TPP2: variants seen among roughly 807,000 people sequenced by gnomAD.
The protein encoded by TPP2 is tripeptidyl peptidase 2.
TPP2 carries 34 observed loss-of-function variants against 155.9 expected under a neutral mutation model. The ratio of observed to expected loss-of-function variants is 0.22; its 90% confidence interval spans 0.17 to 0.29. The LOEUF (loss-of-function observed/expected upper bound fraction) is 0.29. Ranked by LOEUF, TPP2 falls within the 10% of genes least tolerant of loss-of-function variation. The pLI is 1.00. For missense variants in TPP2, 1,028 were observed against 1,522.3 expected, an observed-to-expected ratio of 0.68 and a Z score of 5.40; for synonymous variants, 510 against 529.4, an observed-to-expected ratio of 0.96 and a Z score of 0.50.
chr13:102,624,350 C>G (rs1595155211), intron 6 of TPP2, among the ~76,000 whole-genome samples: 1 of 152,134 alleles, frequency 6.6e-6, no homozygotes, highest in Non-Finnish European at 1.5e-5. Context: ...CCTCCCAGTT[C>G]ATTGAGGTAT....
chr13:102,666,966 T>G (rs1358859634), intron 27 of TPP2, among the ~76,000 whole-genome samples: 1 of 152,112 alleles, frequency 6.6e-6, no homozygotes, highest in East Asian at 1.9e-4. Flanking sequence ...GAATTTCTAT[T>G]TCTCTCCAGG....
chr13:102,665,226 C>G (rs1884512615), intron 27 of TPP2, among the ~76,000 whole-genome samples: 1 of 151,962 alleles, frequency 6.6e-6, no homozygotes, highest in Non-Finnish European at 1.5e-5. Flanking sequence ...GTGAATTGGA[C>G]CATATCAGGA....
At chr13:102,649,362 ACTTT>A in intron 22 of TPP2, 42 bp from the exon 23 acceptor site, 1 of 1,573,296 alleles carries the variant, frequency 6.4e-7, no homozygotes, top group Non-Finnish European at 8.6e-7. Flanking sequence ...TCTTTGTGAA[ACTTT>A]CTCTTTTGTT....
rs1223007119 is a variant in TPP2, at chr13:102,649,397, C to A, written c.2874-11C>A. 5.6e-6 allele frequency: 9 copies of A among 1,599,218 alleles called. No individual in the cohort carries two copies. Among genetic ancestry groups the A allele is most frequent in the Admixed American group, 1.8e-5 (1 of 55,818 alleles). On this transcript the variant is annotated splice_polypyrimidine_tract_variant and intron_variant, in intron 22 of 29. Transcript: ENST00000376052. Reference sequence around the variant, plus strand: ...TTGTTGCTTTTTTTCTCTTTGAATTCTCTTGTTTAGAATACCTAAAGGGGC... The same window carrying A: ...TTGTTGCTTTTTTTCTCTTTGAATTATCTTGTTTAGAATACCTAAAGGGGC...
rs1032568299 is a variant in TPP2, at chr13:102,678,551, G to T, written c.*235G>T. On this transcript the variant is annotated 3_prime_UTR_variant, in exon 30 of 30. Transcript: ENST00000376052. ...CCTCACATTGCTGGCACGGGGATGTGCCCTGCCTGCCAGCACCTAGGACTT... is the reference window on the plus strand; with the variant it reads ...CCTCACATTGCTGGCACGGGGATGTTCCCTGCCTGCCAGCACCTAGGACTT... The T allele has an allele frequency of 2.5e-6, 1 of 403,076 alleles. No individual in the cohort carries two copies. The highest frequency in any genetic ancestry group is 4.5e-6 in the Non-Finnish European group (1 of 223,982). The allele number at this position is 403,076 out of a possible 1,614,324, so 25.0% of individuals were successfully genotyped here.
rs1406376591 is a variant in TPP2, at chr13:102,678,835, AAT to A, written c.*520_*521del. On this transcript the variant is annotated 3_prime_UTR_variant, in exon 30 of 30. Transcript: ENST00000376052. ...TTTTTTTTGGCAAATGTTTACATTC[AAT>A]TAAGGGGAAAAAGTAGAACCAGCAC... 6.9e-6 allele frequency: 1 copy of A among 144,904 alleles called. No individual in the cohort carries two copies. The highest frequency in any genetic ancestry group is 1.5e-5 in the Non-Finnish European group (1 of 66,842). 9.0% of individuals were successfully genotyped at this position (144,904 alleles called of 1,614,324 possible).
At chr13:102,649,917 T>C (rs1883374099) in intron 23 of TPP2, among the ~76,000 whole-genome samples, 1 of 152,148 alleles carries the variant, frequency 6.6e-6, no homozygotes, top group South Asian at 2.1e-4. Flanking sequence ...GGGGTGCTTT[T>C]AAAAAGTAGT....
intron 27 of TPP2, among the ~76,000 whole-genome samples, chr13:102,672,510 C>T (rs1885046874): frequency 6.6e-6 from 1 of 152,196 alleles, no homozygotes; most frequent in Admixed American, 6.5e-5. Flanking sequence ...TCGCGGCCTT[C>T]CAAGAAGGTT....
At chr13:102,657,263 A>G in intron 25 of TPP2, 56 bp downstream of exon 25, 1 of 1,448,898 alleles carries the variant, frequency 6.9e-7, no homozygotes, top group Non-Finnish European at 9.2e-7. Context: ...TTTCCCAACT[A>G]TAACAATATT....
At chr13:102,626,187 T>C (rs1881609027) in intron 6 of TPP2, among the ~76,000 whole-genome samples, 1 of 152,232 alleles carries the variant, frequency 6.6e-6, no homozygotes, top group Non-Finnish European at 1.5e-5. Flanking sequence ...GACCATATGA[T>C]GTTGCTGTTT....
In TPP2 at chr13:102,678,297, C is replaced by G. The variant is rs1406590347; in HGVS notation, c.3770C>G (p.Pro1257Arg). ...AACTGGCTCCCCATCATGTATCCTC[C>G]CGATTATTGCGTATTCTAAAATAGG... ...TENWLPIMYPPDYCVF is the reference protein window; with the variant it reads ...TENWLPIMYPRDYCVF The change falls in exon 30 of 30, where the codon CCC (proline) becomes CGC (arginine). Residue 1257 changes from proline (P) to arginine (R), a missense_variant. Around this residue, in one of 7 missense-constraint regions of TPP2, gnomAD observed 41 missense variants for 78.3 expected, o/e 0.52. Transcript: ENST00000376052. The G allele has an allele frequency of 1.2e-6, 2 of 1,613,430 alleles. No homozygotes were observed. Among genetic ancestry groups the G allele is most frequent in the East Asian group, 4.5e-5 (2 of 44,860 alleles).
At chr13:102,610,222 T>C in intron 2 of TPP2, among the ~76,000 whole-genome samples, 1 of 152,210 alleles carries the variant, frequency 6.6e-6, no homozygotes, top group East Asian at 1.9e-4. Flanking sequence ...TTTATTTATT[T>C]ATTTATTTAT....
intron 20 of TPP2, among the ~76,000 whole-genome samples, chr13:102,646,757 A>G (rs1179584502): frequency 6.6e-6 from 1 of 152,302 alleles, no homozygotes; most frequent in Non-Finnish European, 1.5e-5. Context: ...GGAACAGGGA[A>G]AGGTCAGAGT....
At chr13:102,651,735 TAA>T (rs1491078341) in intron 24 of TPP2, among the ~76,000 whole-genome samples, 22 of 114,578 alleles carry the variant, frequency 1.9e-4, no homozygotes, top group African/African-American at 6.0e-4. Context: ...ATGGATGTGA[TAA>T]TTTTTTTTTT....
chr13:102,598,045 A>G (rs1879117814), intron 1 of TPP2, among the ~76,000 whole-genome samples: 1 of 152,204 alleles, frequency 6.6e-6, no homozygotes, highest in Non-Finnish European at 1.5e-5. Context: ...TGCCTTAGGC[A>G]ACTTTAAAAT....
In TPP2 at chr13:102,679,381, G is replaced by T; in HGVS notation, c.*1065G>T. ...TTATTTTTATCTTTGGCTACTGCAC[G>T]TGCATCTCTCGTCATTCCTCCACCA... is the stretch of plus-strand genomic sequence containing the variant. On this transcript the variant is annotated 3_prime_UTR_variant, in exon 30 of 30. Coordinates refer to ENST00000376052, the MANE Select transcript of TPP2 (RefSeq NM_001330588.2). The T allele has an allele frequency of 6.6e-6, 1 of 152,100 alleles. No individual in the cohort carries two copies. The highest frequency in any genetic ancestry group is 1.9e-4 in the East Asian group (1 of 5,198). The allele number at this position is 152,100 out of a possible 1,614,324, so 9.4% of individuals were successfully genotyped here. A position where few individuals can be genotyped will look rare whatever the true frequency, so the allele number is the denominator to read the frequency against.
At chr13:102,609,994 ACT>A (rs1391284264) in intron 2 of TPP2, among the ~76,000 whole-genome samples, 2 of 150,678 alleles carry the variant, frequency 1.3e-5, no homozygotes, top group Non-Finnish European at 3.0e-5. Context: ...CTTAGTCAGA[ACT>A]CTCTTCTCCA....
At chr13:102,610,902 A>C (rs1362262533) in intron 2 of TPP2, among the ~76,000 whole-genome samples, 3 of 152,320 alleles carry the variant, frequency 2.0e-5, no homozygotes, top group African/African-American at 7.2e-5. Context: ...TACATCAGAA[A>C]CTTCCTGCAT....
At position 102,644,950 on chromosome 13, in the gene TPP2, C is replaced by G. The variant is rs371814937; in HGVS notation, c.2334C>G (p.Ser778=). Reference sequence around the variant, plus strand: ...TCAACCGCTTTGATGTTCAGTCCTCCTTGAAATACGAAGATCTGGCTCCCT... The same window carrying G: ...TCAACCGCTTTGATGTTCAGTCCTCGTTGAAATACGAAGATCTGGCTCCCT... ...EGINRFDVQS[S]LKYEDLAPCI... The change falls in exon 19 of 30, where the codon TCC becomes TCG. Residue 778 remains serine, a synonymous_variant. Transcript: ENST00000376052. The G allele has an allele frequency of 5.8e-5, 93 of 1,613,892 alleles. No homozygotes were observed. The highest frequency in any genetic ancestry group is 7.2e-5 in the Non-Finnish European group (85 of 1,179,948).
Sources: gnomAD v4.1 joint callset for allele counts (sites outside exome capture counted in the v4.1 genomes callset) on GRCh38, gnomAD v4.1.1 for gene constraint, gnomAD v4.1.1 regional missense constraint, MANE v1.5 for transcripts, NCBI Gene and HGNC (gene_info 2026-07-23, HGNC 2026-07-21) for gene names.